LIPC: variants seen among roughly 807,000 people sequenced by gnomAD.
The protein encoded by LIPC is lipase C, hepatic type.
In LIPC, 44 loss-of-function variants were observed where a neutral mutation model predicts 50.7. That is an observed-to-expected ratio of 0.87 (90% CI 0.68 to 1.11). LIPC has a LOEUF of 1.11. LIPC is among the 50% of genes most tolerant of loss of function. The pLI is 0.00. For missense variants in LIPC, 697 were observed against 648.2 expected (o/e 1.08, Z -0.82); for synonymous variants, 271 against 256.4 (o/e 1.06, Z -0.54).
At chr15:58,455,796 T>C (rs1894088591) in intron 1 of LIPC, among the ~76,000 whole-genome samples, 2 of 152,198 alleles carry the variant, frequency 1.3e-5, no homozygotes, top group South Asian at 2.1e-4. Context: ...AATACCTTGA[T>C]AGCAATGAAA....
At chr15:58,527,139 C>T (rs1299679900) in intron 1 of LIPC, among the ~76,000 whole-genome samples, 1 of 152,214 alleles carries the variant, frequency 6.6e-6, no homozygotes, top group Non-Finnish European at 1.5e-5. Context: ...GGAAATAGTG[C>T]ACATGCCCAG....
At chr15:58,450,664 C>A (rs1893868496) in intron 1 of LIPC, among the ~76,000 whole-genome samples, 1 of 152,222 alleles carries the variant, frequency 6.6e-6, no homozygotes, top group Admixed American at 6.5e-5. Flanking sequence ...AAGCTACCCA[C>A]TGGTGGTCTG....
At chr15:58,495,154 C>A (rs1217516479) in intron 1 of LIPC, among the ~76,000 whole-genome samples, 3 of 152,214 alleles carry the variant, frequency 2.0e-5, no homozygotes, top group African/African-American at 7.2e-5. Context: ...CTGGACTACG[C>A]ATCAAGACCT....
chr15:58,559,782 C>A (rs781580377), intron 6 of LIPC, among the ~76,000 whole-genome samples: 1 of 151,776 alleles, frequency 6.6e-6, no homozygotes, highest in Non-Finnish European at 1.5e-5. Context: ...GCATCCAACC[C>A]TGGGGAATCC....
chr15:58,488,814 G>A (rs1329810573), intron 1 of LIPC, among the ~76,000 whole-genome samples: 1 of 152,144 alleles, frequency 6.6e-6, no homozygotes, highest in East Asian at 1.9e-4. Context: ...CCCATAAAGG[G>A]CCATACCCTA....
At chr15:58,483,451 TAGA>T (rs751225408) in intron 1 of LIPC, among the ~76,000 whole-genome samples, 22 of 152,228 alleles carry the variant, frequency 1.4e-4, no homozygotes, top group Non-Finnish European at 2.5e-4. Context: ...ATCCTGAGGG[TAGA>T]AGAAGATTTT....
chr15:58,566,784 A>C (rs545039999), intron 8 of LIPC, among the ~76,000 whole-genome samples: 1 of 152,334 alleles, frequency 6.6e-6, no homozygotes, highest in South Asian at 2.1e-4. Context: ...CACAGTACTC[A>C]TATAAATGCA....
chr15:58,450,175 G>A (rs770159185), intron 1 of LIPC, among the ~76,000 whole-genome samples: 83 of 152,154 alleles, frequency 5.5e-4, no homozygotes, highest in Non-Finnish European at 2.6e-4. Flanking sequence ...CTGGTCTTTC[G>A]CGTTTCTGAG....
At chr15:58,487,794 C>T (rs574516381) in intron 1 of LIPC, among the ~76,000 whole-genome samples, 2 of 152,306 alleles carry the variant, frequency 1.3e-5, no homozygotes, top group East Asian at 3.9e-4. Context: ...GGAAATTCAG[C>T]AGAGGTACTT....
intron 1 of LIPC, among the ~76,000 whole-genome samples, chr15:58,480,883 G>A (rs189062585): frequency 2.4e-4 from 37 of 152,166 alleles, no homozygotes; most frequent in African/African-American, 8.7e-4. Flanking sequence ...CCCTCTCAAA[G>A]GATTTCTTAG....
At chr15:58,472,910 T>G (rs1890860317) in intron 1 of LIPC, among the ~76,000 whole-genome samples, 1 of 152,204 alleles carries the variant, frequency 6.6e-6, no homozygotes, top group South Asian at 2.1e-4. Flanking sequence ...CAGGTGTGTC[T>G]GACTACGGCT....
At chr15:58,460,051 C>T (rs1473894862) in intron 1 of LIPC, among the ~76,000 whole-genome samples, 1 of 152,230 alleles carries the variant, frequency 6.6e-6, no homozygotes, top group Non-Finnish European at 1.5e-5. Flanking sequence ...TCCCGTACTG[C>T]AGCTTCCAAG....
At chr15:58,487,499 T>C (rs1190661691) in intron 1 of LIPC, among the ~76,000 whole-genome samples, 2 of 152,246 alleles carry the variant, frequency 1.3e-5, no homozygotes, top group South Asian at 2.1e-4. Flanking sequence ...GCTGAAGCAA[T>C]AGACGGCCCC....
chr15:58,551,671 T>A (rs551687816), intron 6 of LIPC, among the ~76,000 whole-genome samples: 28 of 152,148 alleles, frequency 1.8e-4, no homozygotes, highest in South Asian at 4.1e-4. Context: ...ACCTCCAGCA[T>A]TTTGATGAAT....
At chr15:58,480,580 A>T (rs907773934) in intron 1 of LIPC, among the ~76,000 whole-genome samples, 14 of 152,216 alleles carry the variant, frequency 9.2e-5, no homozygotes, top group African/African-American at 3.1e-4. Flanking sequence ...TACAGGTGTG[A>T]GCCACTGTGC....
intron 1 of LIPC, among the ~76,000 whole-genome samples, chr15:58,524,466 T>G (rs1259679793): frequency 6.6e-6 from 1 of 152,204 alleles, no homozygotes; most frequent in African/African-American, 2.4e-5. Context: ...ATGCAGGAAA[T>G]GCTGAGTAAA....
chr15:58,501,741 AT>A (rs34069419), intron 1 of LIPC, among the ~76,000 whole-genome samples: 3 of 151,896 alleles, frequency 2.0e-5, no homozygotes, highest in East Asian at 1.9e-4. Context: ...CCCTACCAAG[AT>A]TTTTTTTAGA....
At chr15:58,496,598 G>A (rs1891772852) in intron 1 of LIPC, among the ~76,000 whole-genome samples, 1 of 152,124 alleles carries the variant, frequency 6.6e-6, no homozygotes, top group Non-Finnish European at 1.5e-5. Context: ...AACAGAAGAT[G>A]TCTGACTGTT....
rs1893007419 is a variant in LIPC, at chr15:58,533,150, C to G, written c.89-5183C>G. On this transcript the variant is annotated intron_variant, in intron 1 of 8. Transcript: ENST00000299022. The stretch of plus-strand genomic sequence containing the variant: ...AGATTCTTATCACTGGTGTGACTAC[C>G]TCTTCTGAAGACATGAGAAAAGCTC... 7.1e-6 allele frequency: 7 copies of G among 985,006 alleles called. No individual in the cohort carries two copies. In the South Asian group the frequency reaches 3.3e-4, roughly 46 times the overall value. The allele number at this position is 985,006 out of a possible 1,614,324, so 61.0% of individuals were successfully genotyped here. A position where few individuals can be genotyped will look rare whatever the true frequency, so the allele number is the denominator to read the frequency against.
Sources: gnomAD v4.1 joint callset for allele counts (sites outside exome capture counted in the v4.1 genomes callset) on GRCh38, gnomAD v4.1.1 for gene constraint, MANE v1.5 for transcripts, NCBI Gene and HGNC (gene_info 2026-07-23, HGNC 2026-07-21) for gene names.